The following BACH2 variants were observed in gnomAD, a reference collection of about 807,000 sequenced individuals.
BACH2 encodes transcription regulator protein BACH2.
In BACH2, 5 loss-of-function variants were observed where a neutral mutation model predicts 61.8. The observed-to-expected ratio is 0.08, with a 90% CI of 0.04 to 0.17. The LOEUF (loss-of-function observed/expected upper bound fraction) is 0.17, where lower values mean the gene tolerates loss of function less well. Among genes scored for constraint, BACH2 ranks in the 10% least tolerant of loss-of-function variants. The pLI is 1.00. For missense variants in BACH2, 824 were observed against 1,091.1 expected (o/e 0.76, Z 3.45); for synonymous variants, 446 against 440.1 (o/e 1.01, Z -0.17).
rs1240863994 is a variant in BACH2, at chr6:90,240,260, CAT to C, written c.-275+12251_-275+12252del. Among the ~76,000 whole-genome samples the C allele has an allele frequency of 4.1e-4, 63 of 152,226 alleles. No homozygotes were observed. The East Asian group carries it at 5.8e-3, about 14-fold the overall frequency. On this transcript the variant is annotated intron_variant, in intron 3 of 8. Transcript: ENST00000257749. ...TAATGAAATATCAAAAAGTTTAACA[CAT>C]GTTAATCCTTTTGAAAACCTATTTT...
At chr6:90,119,305 C>A (rs1244335492) in intron 4 of BACH2, among the ~76,000 whole-genome samples, 3 of 152,134 alleles carry the variant, frequency 2.0e-5, no homozygotes, top group African/African-American at 7.2e-5. Context: ...TCTGTCTTTA[C>A]CTAATTATGT....
intron 7 of BACH2, among the ~76,000 whole-genome samples, chr6:89,940,054 A>C (rs1036607812): frequency 3.3e-5 from 5 of 151,776 alleles, no homozygotes; most frequent in Non-Finnish European, 7.4e-5. Context: ...TCTGTCACCC[A>C]GGCTGGAGTA....
At chr6:89,960,121 T>C (rs1246996767) in intron 6 of BACH2, among the ~76,000 whole-genome samples, 1 of 152,236 alleles carries the variant, frequency 6.6e-6, no homozygotes, top group Non-Finnish European at 1.5e-5. Flanking sequence ...GAGTGGTAGA[T>C]ACTTTCTGCG....
At chr6:90,184,927 G>A (rs956056437) in intron 4 of BACH2, among the ~76,000 whole-genome samples, 4 of 152,202 alleles carry the variant, frequency 2.6e-5, no homozygotes, top group Non-Finnish European at 5.9e-5. Flanking sequence ...ACTCTCAGAG[G>A]ATAGTATGTT....
At chr6:90,126,314 C>T (rs141434312) in intron 4 of BACH2, among the ~76,000 whole-genome samples, 11 of 152,098 alleles carry the variant, frequency 7.2e-5, no homozygotes, top group East Asian at 1.9e-4. Context: ...GATAGGGACT[C>T]GGGAACACAT....
intron 1 of BACH2, among the ~76,000 whole-genome samples, chr6:90,283,878 T>C (rs1408422348): frequency 6.6e-6 from 1 of 151,890 alleles, no homozygotes; most frequent in Admixed American, 6.6e-5. Flanking sequence ...CATGGTGGCA[T>C]GTGCCTGTAG....
intron 5 of BACH2, among the ~76,000 whole-genome samples, chr6:90,046,836 A>G (rs1018366910): frequency 6.6e-6 from 1 of 152,170 alleles, no homozygotes; most frequent in Non-Finnish European, 1.5e-5. Flanking sequence ...AATTACAAGA[A>G]TAAAGGGAAG....
At chr6:90,295,607 A>C (rs2127896415) in intron 1 of BACH2, among the ~76,000 whole-genome samples, 1 of 151,540 alleles carries the variant, frequency 6.6e-6, no homozygotes, top group South Asian at 2.1e-4. Context: ...CCCTTCATAA[A>C]CCAGTCTCCT....
chr6:90,178,914 G>T (rs900911777), intron 4 of BACH2, among the ~76,000 whole-genome samples: 2 of 152,152 alleles, frequency 1.3e-5, no homozygotes, highest in Admixed American at 1.3e-4. Flanking sequence ...GTTCCGCAGG[G>T]GACCACATAT....
chr6:90,240,967 C>G (rs1391044118), intron 3 of BACH2, among the ~76,000 whole-genome samples: 1 of 151,672 alleles, frequency 6.6e-6, no homozygotes, highest in Non-Finnish European at 1.5e-5. Flanking sequence ...TAAGAGTTGA[C>G]TAAAAGTATA....
chr6:90,050,260 G>A (rs762046979), intron 5 of BACH2, among the ~76,000 whole-genome samples: 1 of 152,208 alleles, frequency 6.6e-6, no homozygotes, highest in Non-Finnish European at 1.5e-5. Context: ...TAAAAGATTT[G>A]ATGTGCAAGG....
chr6:90,027,428 C>T (rs1203290404), intron 5 of BACH2, among the ~76,000 whole-genome samples: 1 of 152,180 alleles, frequency 6.6e-6, no homozygotes, highest in Non-Finnish European at 1.5e-5. Context: ...CACACGATTT[C>T]ACCTCACAGA....
chr6:89,972,857 G>A (rs535358340), intron 6 of BACH2, among the ~76,000 whole-genome samples: 15 of 152,328 alleles, frequency 9.8e-5, no homozygotes, highest in African/African-American at 3.6e-4. Flanking sequence ...TTGGCAGGGT[G>A]AGGTGGGCAG....
At chr6:90,051,018 C>T (rs993829559) in intron 5 of BACH2, among the ~76,000 whole-genome samples, 1 of 151,980 alleles carries the variant, frequency 6.6e-6, no homozygotes. Context: ...GTGATCCATC[C>T]ACCTCAGCCT....
intron 4 of BACH2, among the ~76,000 whole-genome samples, chr6:90,164,291 C>G (rs576255478): frequency 6.6e-6 from 1 of 152,168 alleles, no homozygotes; most frequent in African/African-American, 2.4e-5. Flanking sequence ...AACATCTCTA[C>G]GCAAAAAACT....
intron 5 of BACH2, among the ~76,000 whole-genome samples, chr6:90,023,368 G>A (rs1236781227): frequency 6.6e-6 from 1 of 151,966 alleles, no homozygotes; most frequent in Non-Finnish European, 1.5e-5. Context: ...AGACGTAGTT[G>A]TTTAAAAAGT....
At chr6:90,025,495 T>C (rs1213636481) in intron 5 of BACH2, among the ~76,000 whole-genome samples, 3 of 152,232 alleles carry the variant, frequency 2.0e-5, no homozygotes, top group Non-Finnish European at 2.9e-5. Flanking sequence ...CCTATTAGCA[T>C]GTGCTTCATG....
intron 6 of BACH2, among the ~76,000 whole-genome samples, chr6:89,971,629 AAG>A (rs1263065688): frequency 3.3e-5 from 5 of 152,154 alleles, no homozygotes; most frequent in African/African-American, 1.2e-4. Flanking sequence ...TATAAAGAAA[AAG>A]AGGTTTAATG....
In BACH2 at chr6:90,130,294, C is replaced by T. The variant is rs191019077; in HGVS notation, c.-161-41185G>A. 3.7e-3 allele frequency among the ~76,000 whole-genome samples: 556 copies of T among 152,274 alleles called. 17 individuals are homozygous for T. Among genetic ancestry groups the T allele is most frequent in the Admixed American group, 0.035 (529 of 15,296 alleles). On this transcript the variant is annotated intron_variant, in intron 4 of 8. Coordinates refer to ENST00000257749, the MANE Select transcript of BACH2 (RefSeq NM_021813.4). The stretch of plus-strand genomic sequence containing the variant: ...GAGGTCTCCTTGATCAGTATAGGCC[C>T]ATGCCCAGGATACAGGTGACCTAGG...
Sources: allele counts gnomAD v4.1 joint callset (sites outside exome capture counted in the v4.1 genomes callset), GRCh38; gene constraint gnomAD v4.1.1; transcripts MANE v1.5; gene names NCBI Gene and HGNC (gene_info 2026-07-23, HGNC 2026-07-21).